The following SLC12A7 variants were observed in gnomAD, a reference collection of about 807,000 sequenced individuals.
SLC12A7 encodes the protein K-Cl cotransporter 4.
In SLC12A7, 100 loss-of-function variants were observed where a neutral mutation model predicts 120.6. The ratio of observed to expected loss-of-function variants is 0.83; its 90% CI spans 0.71 to 0.98. The LOEUF is 0.98. Ranked by LOEUF, SLC12A7 falls within the 50% of genes least tolerant of loss-of-function variation. The pLI, the probability that SLC12A7 is intolerant of heterozygous loss-of-function variation, is 0.00. For missense variants in SLC12A7, 1,373 were observed against 1,548.1 expected (o/e 0.89, Z 1.90); for synonymous variants, 760 against 678.0 (o/e 1.12, Z -1.88).
At position 1,067,924 on chromosome 5, in the gene SLC12A7, G is replaced by A. The variant is rs531869280; in HGVS notation, c.2242-2446C>T. Among the ~76,000 whole-genome samples the A allele has an allele frequency of 3.9e-5, 4 of 101,440 alleles. 1 individual carries two copies. Among genetic ancestry groups the A allele is most frequent in the African/African-American group, 1.1e-4 (3 of 27,186 alleles). The allele number at this position is 101,440 out of a possible 152,430, so 66.5% of individuals were successfully genotyped here. A position where few individuals can be genotyped will look rare whatever the true frequency, so the allele number is the denominator to read the frequency against. On this transcript the variant is annotated intron_variant, in intron 17 of 23. Coordinates refer to ENST00000264930, the MANE Select transcript of SLC12A7 (RefSeq NM_006598.3). Reference sequence around the variant, plus strand: ...GGGGACCCTGTTATCACAAGTCCCCGCACCTGCCCGGCGCAGCAGTCGCAG... The same window carrying A: ...GGGGACCCTGTTATCACAAGTCCCCACACCTGCCCGGCGCAGCAGTCGCAG...
chr5:1,055,988 C>T (rs944278074), intron 22 of SLC12A7, among the ~76,000 whole-genome samples: 6 of 152,196 alleles, frequency 3.9e-5, no homozygotes, highest in Admixed American at 3.3e-4. Context: ...GAAAACATGG[C>T]CCAGGCGGTT....
chr5:1,099,694 C>G (rs1344088850), intron 1 of SLC12A7, among the ~76,000 whole-genome samples: 1 of 152,202 alleles, frequency 6.6e-6, no homozygotes, highest in African/African-American at 2.4e-5. Context: ...AAGGCCGGCT[C>G]CTTTCACATT....
intron 1 of SLC12A7, among the ~76,000 whole-genome samples, chr5:1,111,047 C>G (rs773476616): frequency 2.0e-5 from 3 of 152,192 alleles, no homozygotes; most frequent in Non-Finnish European, 4.4e-5. Context: ...TGCATGAGAC[C>G]CGGGCACATG....
At chr5:1,110,924 CT>C (rs1442988855) in intron 1 of SLC12A7, among the ~76,000 whole-genome samples, 1 of 152,224 alleles carries the variant, frequency 6.6e-6, no homozygotes, top group Non-Finnish European at 1.5e-5. Context: ...GATGTCTGGC[CT>C]TTCCTGCCCG....
At chr5:1,052,477 A>G (rs1186067686) in intron 23 of SLC12A7, 26 bp from the exon 24 acceptor site, 13 of 1,572,780 alleles carry the variant, frequency 8.3e-6, no homozygotes, top group Non-Finnish European at 1.1e-5. Flanking sequence ...TTAAGGCCAC[A>G]GCTGATCTTA....
At chr5:1,132,981 GATC>G in the SLC12A7 span, among the ~76,000 whole-genome samples, 1 of 152,182 alleles carries the variant, frequency 6.6e-6, no homozygotes, top group African/African-American at 2.4e-5. Context: ...CGTGATCTTG[GATC>G]TTGGCTCACT....
intron 1 of SLC12A7, among the ~76,000 whole-genome samples, chr5:1,100,573 C>A (rs1273154494): frequency 6.6e-6 from 1 of 152,240 alleles, no homozygotes; most frequent in East Asian, 1.9e-4. Flanking sequence ...GAGCTGCGCT[C>A]GTGGGTAACA....
chr5:1,146,585 G>A, the SLC12A7 span, among the ~76,000 whole-genome samples: 138 of 152,254 alleles, frequency 9.1e-4, no homozygotes, highest in Non-Finnish European at 1.6e-3. The surrounding 1 kb of genome is among the most constrained non-coding windows in gnomAD (Gnocchi z 6.5). Context: ...AGCGGTGGTC[G>A]GCCATGCCTC....
rs1336372267 is a variant in SLC12A7, at chr5:1,052,109, G to A, written c.*251C>T. The A allele has an allele frequency of 1.8e-5, 10 of 560,672 alleles. No individual in the cohort carries two copies. The highest frequency in any genetic ancestry group is 3.2e-5 in the Admixed American group (1 of 31,208). 34.7% of individuals were successfully genotyped at this position (560,672 alleles called of 1,614,324 possible). ...GATCTGGCCACGTCCAGGTCACTCC[G>A]GTAGCAGCGTCTGCCCTCAGATGCA... On this transcript the variant is annotated 3_prime_UTR_variant, in exon 24 of 24. Coordinates refer to ENST00000264930, the MANE Select transcript of SLC12A7 (RefSeq NM_006598.3).
At chr5:1,112,754 C>A (rs1478181712), upstream of SLC12A7, among the ~76,000 whole-genome samples, 4 of 145,576 alleles carry the variant, frequency 2.7e-5, no homozygotes, top group African/African-American at 1.0e-4. Flanking sequence ...TGGCTCCTGG[C>A]TAGCCCAACC....
Position 1,060,924 on chromosome 5 carries a change from C to G in SLC12A7, c.2740-473G>C, listed in dbSNP as rs563032230. On this transcript the variant is annotated intron_variant, in intron 20 of 23. Transcript: ENST00000264930. ...CCCTGGGTCTCACCCATTGCACCCA[C>G]CGTGCGGGACCCCTGCGCCTCACCC... is the stretch of plus-strand genomic sequence containing the variant. 5.4e-4 allele frequency among the ~76,000 whole-genome samples: 82 copies of G among 152,318 alleles called. 1 individual carries two copies. The highest frequency in any genetic ancestry group is 1.9e-3 in the African/African-American group (79 of 41,580).
Position 1,052,284 on chromosome 5 carries a change from C to G in SLC12A7, c.*76G>C, listed in dbSNP as rs1410040033. On this transcript the variant is annotated 3_prime_UTR_variant, in exon 24 of 24. Transcript: ENST00000264930. ...GACAGGTGTGTCTGCCGTCTGTTTC[C>G]CTGGGCCAAGCCCAGGCCCAGGCTG... 11 of 1,268,570 alleles carry G rather than the reference C, an allele frequency of 8.7e-6. No individual in the cohort carries two copies. Among genetic ancestry groups the G allele is most frequent in the Non-Finnish European group, 1.2e-5 (10 of 868,586 alleles). 78.6% of individuals were successfully genotyped at this position (1,268,570 alleles called of 1,614,324 possible).
intron 17 of SLC12A7, among the ~76,000 whole-genome samples, chr5:1,073,360 C>G (rs1369356973): frequency 1.3e-5 from 2 of 152,224 alleles, no homozygotes; most frequent in Admixed American, 1.3e-4. Context: ...GATTACGGCT[C>G]TGGACGGGGC....
At position 1,085,483 on chromosome 5, in the gene SLC12A7, C is replaced by T; in HGVS notation, c.676-10G>A. The T allele has an allele frequency of 6.3e-7, 1 of 1,594,464 alleles. No individual in the cohort carries two copies. On this transcript the variant is annotated splice_polypyrimidine_tract_variant and intron_variant, in intron 6 of 23. Transcript: ENST00000264930. Reference sequence around the variant, plus strand: ...CCGGGGAGATGTACGTCTGTGGGAACAAGGCCGGTCGGGAGGCCGTCCCCG... The same window carrying T: ...CCGGGGAGATGTACGTCTGTGGGAATAAGGCCGGTCGGGAGGCCGTCCCCG...
chr5:1,081,620 G>T lies in SLC12A7; in HGVS notation c.1254C>A (p.Ala418=). The part of the protein sequence containing the change: ...ALPYVLTDIA[A]SFTLLVGIYF... Reference sequence around the variant, plus strand: ...AGATGCCAACCAGCAGGGTGAAGGAGGCCGCGATGTCGGTGAGCACGTAGG... The same window carrying T: ...AGATGCCAACCAGCAGGGTGAAGGATGCCGCGATGTCGGTGAGCACGTAGG... Residue 418 remains alanine, a synonymous_variant, in exon 9 of 24, where the codon GCC becomes GCA. Transcript: ENST00000264930. 6.2e-7 allele frequency: 1 copy of T among 1,610,986 alleles called. No homozygotes were observed. The highest frequency in any genetic ancestry group is 8.5e-7 in the Non-Finnish European group (1 of 1,178,034).
chr5:1,096,880 G>GGGAA (rs1247333539), intron 1 of SLC12A7, among the ~76,000 whole-genome samples: 1 of 132,010 alleles, frequency 7.6e-6, no homozygotes, highest in African/African-American at 2.9e-5. Flanking sequence ...GAGGGAGGGA[G>GGGAA]GGAAGGAAGA....
chr5:1,111,120 G>A (rs1359755920), intron 1 of SLC12A7, among the ~76,000 whole-genome samples: 1 of 152,204 alleles, frequency 6.6e-6, no homozygotes, highest in Admixed American at 6.5e-5. Flanking sequence ...CAGAGACTCC[G>A]GATGGAAGGG....
chr5:1,093,470 T>A (rs1740745918), intron 3 of SLC12A7, 63 bp downstream of exon 3: 3 of 1,401,144 alleles, frequency 2.1e-6, no homozygotes, highest in Non-Finnish European at 2.9e-6. Flanking sequence ...CTTGCCGGCG[T>A]GATCTAACCC....
intron 17 of SLC12A7, among the ~76,000 whole-genome samples, chr5:1,069,413 G>A (rs1189285424): frequency 6.6e-6 from 1 of 152,218 alleles, no homozygotes; most frequent in South Asian, 2.1e-4. Context: ...AGGCGGTGGG[G>A]GGCGGCTGCA....
Sources: gnomAD v4.1 joint callset for allele counts (sites outside exome capture counted in the v4.1 genomes callset) on GRCh38, gnomAD v4.1.1 for gene constraint, Gnocchi (gnomAD v3.1) non-coding constraint, MANE v1.5 for transcripts, NCBI Gene and HGNC (gene_info 2026-07-23, HGNC 2026-07-21) for gene names.